CAGE1: variants seen among roughly 807,000 people sequenced by gnomAD.
CAGE1 encodes the protein cancer antigen 1.
Under a neutral mutation model 94.9 loss-of-function variants are expected in CAGE1, and 66 were observed. That is an observed-to-expected ratio of 0.70 (90% CI 0.57 to 0.85). The LOEUF (loss-of-function observed/expected upper bound fraction) is 0.85, where lower values mean the gene tolerates loss of function less well. Ranked by LOEUF, CAGE1 falls within the 40% of genes least tolerant of loss-of-function variation. The probability of loss-of-function intolerance (pLI) is 0.00; values close to 1 mark genes in which losing one functional copy is unlikely to be tolerated. For synonymous variants in CAGE1, 319 were observed against 321.0 expected (o/e 0.99, Z 0.07); for missense variants, 865 against 950.4 (o/e 0.91, Z 1.18).
Position 7,382,564 on chromosome 6 carries a change from G to C in CAGE1, c.283+3221C>G, listed in dbSNP as rs370282673. Among the ~76,000 whole-genome samples the C allele has an allele frequency of 3.9e-4, 59 of 150,210 alleles. No homozygotes were observed. In the East Asian group the frequency reaches 0.012, roughly 31 times the overall value. On this transcript the variant is annotated intron_variant, in intron 3 of 13. Coordinates refer to ENST00000502583, the MANE Select transcript of CAGE1 (RefSeq NM_001170692.2). The stretch of plus-strand genomic sequence containing the variant: ...GATCCGCTTGCCTCGGCCTCCCAAA[G>C]TGCTGGGATTACAGGTATGAGCTAC...
rs566155073 is a variant in CAGE1 at position 7,339,291 on chromosome 6, G to C, written c.2370-5201C>G. 3.2e-6 allele frequency: 5 copies of C among 1,580,588 alleles called. No individual in the cohort carries two copies. The highest frequency in any genetic ancestry group is 3.3e-5 in the Admixed American group (2 of 59,962). ...CTGGGCAATGGCACACAGACCCCTA[G>C]TGGCCACCTCTTCAGCATAAAGCTC... is the stretch of plus-strand genomic sequence containing the variant. On this transcript the variant is annotated intron_variant, in intron 11 of 13. Coordinates refer to ENST00000502583, the MANE Select transcript of CAGE1 (RefSeq NM_001170692.2). The surrounding 1 kb of genome is among the most constrained non-coding windows in gnomAD (Gnocchi z 4.7).
At chr6:7,385,988 T>G (rs1409944549) in intron 2 of CAGE1, 116 bp from the exon 3 acceptor site, 1 of 538,648 alleles carries the variant, frequency 1.9e-6, no homozygotes. Context: ...ATAGGTAGAA[T>G]GTGCTTTCTA....
At chr6:7,359,228 G>T (rs1760087870) in intron 9 of CAGE1, among the ~76,000 whole-genome samples, 1 of 152,078 alleles carries the variant, frequency 6.6e-6, no homozygotes, top group South Asian at 2.1e-4. Flanking sequence ...GTATTTTTTA[G>T]TAGAGATGGG....
At chr6:7,328,558 A>G (rs1758611902) in intron 13 of CAGE1, among the ~76,000 whole-genome samples, 2 of 152,154 alleles carry the variant, frequency 1.3e-5, no homozygotes, top group Admixed American at 6.5e-5. Flanking sequence ...ATGACATACC[A>G]TGCATAGAGG....
chr6:7,361,677 T>C (rs569057842), intron 9 of CAGE1, among the ~76,000 whole-genome samples: 10 of 152,282 alleles, frequency 6.6e-5, no homozygotes, highest in Non-Finnish European at 1.3e-4. Context: ...AGTGCAAATA[T>C]TGTTTCCCAC....
Position 7,365,834 on chromosome 6 carries a change from CT to C in CAGE1, c.2054del (p.Lys685ArgfsTer13). The part of the protein sequence containing the change: ...RITTFRELIA[K>X]EKAFQDHAIK... ...TAGCATGATCTTGAAATGCTTTTTC[CT>C]TAGCAATTAACTCTCTAAAGGTTGT... On this transcript the variant is annotated frameshift_variant, in exon 8 of 14. Coordinates refer to ENST00000502583, the MANE Select transcript of CAGE1 (RefSeq NM_001170692.2). LOFTEE classifies it high-confidence loss of function. The C allele has an allele frequency of 6.5e-7, 1 of 1,538,580 alleles. No individual in the cohort carries two copies. The highest frequency in any genetic ancestry group is 8.8e-7 in the Non-Finnish European group (1 of 1,138,558).
intron 3 of CAGE1, among the ~76,000 whole-genome samples, chr6:7,380,334 C>G (rs1037286080): frequency 6.6e-6 from 1 of 152,076 alleles, no homozygotes; most frequent in East Asian, 1.9e-4. Context: ...GCATCTCACT[C>G]TATCTATAGC....
intron 11 of CAGE1, among the ~76,000 whole-genome samples, chr6:7,350,680 C>T (rs1198988947): frequency 1.3e-5 from 2 of 152,188 alleles, no homozygotes; most frequent in South Asian, 2.1e-4. Context: ...AAAATGAAAT[C>T]AAGAAGGAAA....
intron 4 of CAGE1, among the ~76,000 whole-genome samples, chr6:7,376,172 A>T (rs993675955): frequency 2.0e-5 from 3 of 151,726 alleles, no homozygotes; most frequent in Non-Finnish European, 4.4e-5. Context: ...GGTGGATCGC[A>T]ACGTCAGGAG....
At chr6:7,342,997 GC>G (rs765990176) in intron 11 of CAGE1, among the ~76,000 whole-genome samples, 3 of 151,936 alleles carry the variant, frequency 2.0e-5, no homozygotes, top group Non-Finnish European at 4.4e-5. Flanking sequence ...AAGAAGCCTG[GC>G]CAACATAGTG....
intron 1 of CAGE1, 56 bp downstream of exon 1, chr6:7,389,146 C>A: frequency 2.5e-6 from 1 of 401,572 alleles, no homozygotes. Context: ...ACGGGAGTTA[C>A]TCGCAAAAAC....
chr6:7,365,428 G>A (rs777822446), intron 9 of CAGE1, 40 bp downstream of exon 9: 3 of 1,504,152 alleles, frequency 2.0e-6, no homozygotes, highest in South Asian at 2.4e-5. Flanking sequence ...ATAATGTTGT[G>A]TATAAAAATA....
chr6:7,368,746 T>C lies in CAGE1; in HGVS notation c.1946A>G (p.Asp649Gly). 1 of 1,561,140 alleles carries C rather than the reference T, an allele frequency of 6.4e-7. No individual in the cohort carries two copies. The highest frequency in any genetic ancestry group is 2.3e-5 in the East Asian group (1 of 42,770). Residue 649 changes from aspartate to glycine, a missense_variant, in exon 7 of 14, where the codon GAT (aspartate) becomes GGT (glycine). Physicochemically the swap from Asp to Gly is moderately conservative, Grantham distance 94. Transcript: ENST00000502583. ...EHFKESEKVS[D>G]IMLQKLKSLH... is the part of the protein sequence containing the mutation. ...GCTCTTCAGTTTTTGCAGCATTATATCACTAACCTTCTCACTCTCTTTGAA... is the reference window on the plus strand; with the variant it reads ...GCTCTTCAGTTTTTGCAGCATTATACCACTAACCTTCTCACTCTCTTTGAA...
Position 7,328,929 on chromosome 6 carries a change from TA to T in CAGE1, c.2478+919del, listed in dbSNP as rs1172440508. On this transcript the variant is annotated intron_variant, in intron 13 of 13. Coordinates refer to ENST00000502583, the MANE Select transcript of CAGE1 (RefSeq NM_001170692.2). ...GTGTGTGTGTGTGTGTATATATATA[TA>T]TATATTTTTTTTTTTTTTTGAGATA... 1.5e-3 allele frequency among the ~76,000 whole-genome samples: 164 copies of T among 112,138 alleles called. 1 individual carries two copies. Among genetic ancestry groups the T allele is most frequent in the Non-Finnish European group, 2.2e-3 (116 of 52,492 alleles). The allele number at this position is 112,138 out of a possible 152,430, so 73.6% of individuals were successfully genotyped here.
At chr6:7,374,179 T>C in intron 4 of CAGE1, 48 bp from the exon 5 acceptor site, 3 of 1,494,536 alleles carry the variant, frequency 2.0e-6, no homozygotes, top group Non-Finnish European at 1.8e-6. Context: ...AGAAAGATAA[T>C]GAGCTTTCAA....
chr6:7,330,214 C>G (rs1758699468), intron 12 of CAGE1, among the ~76,000 whole-genome samples: 1 of 152,064 alleles, frequency 6.6e-6, no homozygotes, highest in Non-Finnish European at 1.5e-5. Context: ...ATGGTGAAAC[C>G]CTGTCTCTAC....
intron 13 of CAGE1, among the ~76,000 whole-genome samples, chr6:7,328,934 A>ATTTTTTTT (rs869241612): frequency 3.7e-5 from 4 of 106,814 alleles, no homozygotes; most frequent in African/African-American, 1.2e-4. Flanking sequence ...ATATATATAT[A>ATTTTTTTT]TTTTTTTTTT....
rs1351849967 is a variant in CAGE1 at position 7,389,282 on chromosome 6, C to G, written c.-104G>C. 1 of 456,326 alleles carries G rather than the reference C, an allele frequency of 2.2e-6. No individual in the cohort carries two copies. The highest frequency in any genetic ancestry group is 6.9e-5 in the East Asian group (1 of 14,392). 28.3% of individuals were successfully genotyped at this position (456,326 alleles called of 1,614,324 possible). A position where few individuals can be genotyped will look rare whatever the true frequency, so the allele number is the denominator to read the frequency against. On this transcript the variant is annotated 5_prime_UTR_variant, in exon 1 of 14. Transcript: ENST00000502583. ...TTTTTAAGACACAAAAGTGTGCTCA[C>G]TTCCAGGATCCATAGTTTCTTGGAC...
At chr6:7,330,008 C>T (rs542708438) in intron 12 of CAGE1, 120 bp from the exon 13 acceptor site, 3 of 586,838 alleles carry the variant, frequency 5.1e-6, no homozygotes, top group South Asian at 2.2e-5. Flanking sequence ...GAGAAATCGT[C>T]ATTTAAGATA....
Sources: allele counts gnomAD v4.1 joint callset (sites outside exome capture counted in the v4.1 genomes callset), GRCh38; gene constraint gnomAD v4.1.1; non-coding constraint Gnocchi (gnomAD v3.1); transcripts MANE v1.5; gene names NCBI Gene and HGNC (gene_info 2026-07-23, HGNC 2026-07-21).